ATRNL1: variants seen among roughly 807,000 people sequenced by gnomAD.
ATRNL1 encodes the protein attractin like 1.
In ATRNL1, 95 loss-of-function variants were observed where a neutral mutation model predicts 182.7. The ratio of observed to expected loss-of-function variants is 0.52; its 90% confidence interval spans 0.44 to 0.62. The LOEUF is 0.62. Ranked by LOEUF, ATRNL1 falls within the 20% of genes least tolerant of loss-of-function variation. The pLI is 0.00. For synonymous variants in ATRNL1, 576 were observed against 568.3 expected, an observed-to-expected ratio of 1.01 and a Z score of -0.19; for missense variants, 1,471 against 1,679.5, an observed-to-expected ratio of 0.88 and a Z score of 2.17.
intron 10 of ATRNL1, among the ~76,000 whole-genome samples, chr10:115,257,480 G>C (rs1851201859): frequency 6.6e-6 from 1 of 152,072 alleles, no homozygotes; most frequent in Non-Finnish European, 1.5e-5. Flanking sequence ...CCATTTGCTT[G>C]GTAGATCTTC....
chr10:115,442,042 T>G (rs528097389), intron 21 of ATRNL1, among the ~76,000 whole-genome samples: 5 of 152,158 alleles, frequency 3.3e-5, no homozygotes, highest in Admixed American at 6.6e-5. Flanking sequence ...TTTCCCATTT[T>G]CAGTTTTAAT....
chr10:115,540,364 A>G (rs1365527351), intron 25 of ATRNL1, among the ~76,000 whole-genome samples: 1 of 152,126 alleles, frequency 6.6e-6, no homozygotes. Flanking sequence ...CATAGCCTCC[A>G]GATGGATAAA....
chr10:115,286,409 A>T lies in ATRNL1; in HGVS notation c.2415+12A>T, dbSNP rs1223193540. 6.9e-7 allele frequency: 1 copy of T among 1,457,806 alleles called. No homozygotes were observed. The highest frequency in any genetic ancestry group is 9.2e-7 in the Non-Finnish European group (1 of 1,085,790). The allele number at this position is 1,457,806 out of a possible 1,614,324, so 90.3% of individuals were successfully genotyped here. ...AGTATACACAACAGGTAACATTTCTACTTGTTTACATTATGGAAATATGCT... is the reference window on the plus strand; with the variant it reads ...AGTATACACAACAGGTAACATTTCTTCTTGTTTACATTATGGAAATATGCT... On this transcript the variant is annotated intron_variant, in intron 15 of 28. Transcript: ENST00000355044.
At position 115,412,128 on chromosome 10, in the gene ATRNL1, C is replaced by A. The variant is rs145890813; in HGVS notation, c.3270-14122C>A. Among the ~76,000 whole-genome samples, 452 of 152,272 alleles carry A rather than the reference C, an allele frequency of 3.0e-3. 4 individuals carry two copies. Among genetic ancestry groups the A allele is most frequent in the African/African-American group, 0.01 (433 of 41,568 alleles). On this transcript the variant is annotated intron_variant, in intron 20 of 28. Transcript: ENST00000355044. Reference sequence around the variant, plus strand: ...CTGTGAATATGCTGTGAAGTCTATGCTTCCTAGAAAACTTGCTCTAGTGAT... The same window carrying A: ...CTGTGAATATGCTGTGAAGTCTATGATTCCTAGAAAACTTGCTCTAGTGAT...
At chr10:115,459,955 C>T (rs1554969390) in intron 21 of ATRNL1, among the ~76,000 whole-genome samples, 1 of 152,158 alleles carries the variant, frequency 6.6e-6, no homozygotes, top group East Asian at 1.9e-4. Flanking sequence ...CGGGGCAGGT[C>T]CCCTGATAAC....
chr10:115,864,068 G>A (rs1301268880), intron 28 of ATRNL1, among the ~76,000 whole-genome samples: 5 of 152,074 alleles, frequency 3.3e-5, no homozygotes, highest in African/African-American at 7.2e-5. Context: ...AGACCAGCCC[G>A]GTCAATATGA....
intron 26 of ATRNL1, among the ~76,000 whole-genome samples, chr10:115,668,712 G>C (rs2133922531): frequency 6.6e-6 from 1 of 152,128 alleles, no homozygotes; most frequent in African/African-American, 2.4e-5. Flanking sequence ...TTTTACATTT[G>C]TGTCTTAAAC....
intron 13 of ATRNL1, among the ~76,000 whole-genome samples, chr10:115,275,970 A>C (rs1852087160): frequency 6.6e-6 from 1 of 152,130 alleles, no homozygotes; most frequent in African/African-American, 2.4e-5. Flanking sequence ...CAAATGTATA[A>C]TTTCTGCTTA....
At chr10:115,295,600 G>A (rs554037304) in intron 15 of ATRNL1, among the ~76,000 whole-genome samples, 1 of 152,230 alleles carries the variant, frequency 6.6e-6, no homozygotes, top group African/African-American at 2.4e-5. Context: ...GCATGTAGCC[G>A]CTCCTCTGGC....
chr10:115,658,395 A>G (rs569385604), intron 26 of ATRNL1, among the ~76,000 whole-genome samples: 2 of 152,112 alleles, frequency 1.3e-5, no homozygotes, highest in South Asian at 2.1e-4. Flanking sequence ...CTTACCCAAA[A>G]TAGATGGATA....
intron 26 of ATRNL1, among the ~76,000 whole-genome samples, chr10:115,691,394 T>C (rs947496136): frequency 6.6e-6 from 1 of 152,210 alleles, no homozygotes; most frequent in Non-Finnish European, 1.5e-5. Flanking sequence ...CCTTTTCATA[T>C]ACATTTTGGC....
At chr10:115,421,381 C>T (rs1554961899) in intron 20 of ATRNL1, among the ~76,000 whole-genome samples, 2 of 152,088 alleles carry the variant, frequency 1.3e-5, no homozygotes, top group Non-Finnish European at 2.9e-5. Flanking sequence ...AATGCAAGTA[C>T]AGTTCAAACC....
chr10:115,184,130 T>C (rs1554888308), intron 8 of ATRNL1, among the ~76,000 whole-genome samples: 1 of 151,392 alleles, frequency 6.6e-6, no homozygotes, highest in African/African-American at 2.4e-5. Context: ...TAAAACTCAC[T>C]ATATTAGTAG....
intron 27 of ATRNL1, among the ~76,000 whole-genome samples, chr10:115,798,861 C>G (rs571972987): frequency 1.6e-4 from 22 of 133,360 alleles, no homozygotes; most frequent in African/African-American, 5.8e-4. Context: ...GAGCCTCGCT[C>G]TGTTGACCAA....
At chr10:115,767,469 T>G (rs1948885026) in intron 27 of ATRNL1, among the ~76,000 whole-genome samples, 1 of 152,156 alleles carries the variant, frequency 6.6e-6, no homozygotes, top group Admixed American at 6.5e-5. Context: ...TACCTCCTTC[T>G]TCAGGTCCCT....
chr10:115,755,102 A>C (rs1201628427), intron 27 of ATRNL1, among the ~76,000 whole-genome samples: 1 of 152,166 alleles, frequency 6.6e-6, no homozygotes, highest in African/African-American at 2.4e-5. Context: ...ATATACAATC[A>C]TGTTATCTGC....
intron 28 of ATRNL1, 108 bp from the exon 29 acceptor site, chr10:115,944,550 G>A (rs1555125008): frequency 5.5e-6 from 5 of 908,302 alleles, no homozygotes; most frequent in African/African-American, 3.4e-5. Flanking sequence ...ACAGCCAAAC[G>A]TGTGATGACT....
chr10:115,135,002 C>A lies in ATRNL1; in HGVS notation c.829+5467C>A, dbSNP rs1269534501. On this transcript the variant is annotated intron_variant, in intron 5 of 28. Coordinates refer to ENST00000355044, the MANE Select transcript of ATRNL1 (RefSeq NM_207303.4). ...ATTCAACAGCCCTTCATGCTAAAAACTCTCAATAAATTCGGTATTGATGGG... is the reference window on the plus strand; with the variant it reads ...ATTCAACAGCCCTTCATGCTAAAAAATCTCAATAAATTCGGTATTGATGGG... Among the ~76,000 whole-genome samples the A allele has an allele frequency of 7.3e-5, 11 of 151,416 alleles. No individual in the cohort carries two copies. In the East Asian group the frequency reaches 7.8e-4, roughly 11 times the overall value.
At chr10:115,134,307 A>C (rs1726878284) in intron 5 of ATRNL1, among the ~76,000 whole-genome samples, 2 of 152,338 alleles carry the variant, frequency 1.3e-5, no homozygotes, top group African/African-American at 2.4e-5. Flanking sequence ...AATAAAGAAG[A>C]AAAGAGAGAA....
Sources: gnomAD v4.1 joint callset for allele counts (sites outside exome capture counted in the v4.1 genomes callset) on GRCh38, gnomAD v4.1.1 for gene constraint, MANE v1.5 for transcripts, NCBI Gene and HGNC (gene_info 2026-07-23, HGNC 2026-07-21) for gene names.